Variants in DOCK6 observed in about 807,000 individuals in gnomAD.
DOCK6 encodes the protein dedicator of cytokinesis protein 6.
In DOCK6, 167 loss-of-function variants were observed where a neutral mutation model predicts 230.3. The observed-to-expected ratio is 0.73, with a 90% CI of 0.64 to 0.82. DOCK6 has a LOEUF of 0.82. Ranked by LOEUF, DOCK6 falls within the 40% of genes least tolerant of loss-of-function variation. The probability of loss-of-function intolerance (pLI) is 0.00; values close to 1 mark genes in which losing one functional copy is unlikely to be tolerated. For synonymous variants in DOCK6, 1,148 were observed against 1,185.0 expected, an observed-to-expected ratio of 0.97 and a Z score of 0.64; for missense variants, 2,598 against 2,825.8, an observed-to-expected ratio of 0.92 and a Z score of 1.83.
Position 11,200,852 on chromosome 19 carries a change from C to A in DOCK6, c.5833-30G>T. ...GGGGTGAGAGGGACTGGTGAGCCAGCCTGCATGGCACCTGGAGTCCCCCGT... is the reference window on the plus strand; with the variant it reads ...GGGGTGAGAGGGACTGGTGAGCCAGACTGCATGGCACCTGGAGTCCCCCGT... On this transcript the variant is annotated intron_variant, in intron 45 of 47. Transcript: ENST00000294618. The surrounding 1 kb of genome is among the most constrained non-coding windows in gnomAD (Gnocchi z 4.3). 2.5e-6 allele frequency: 4 copies of A among 1,613,228 alleles called. No individual in the cohort carries two copies. The highest frequency in any genetic ancestry group is 3.4e-6 in the Non-Finnish European group (4 of 1,179,322).
intron 8 of DOCK6, 44 bp from the exon 9 acceptor site, chr19:11,245,756 C>T (rs2080022191): frequency 6.2e-7 from 1 of 1,604,822 alleles, no homozygotes; most frequent in African/African-American, 1.3e-5. Context: ...CTGGGAAGCC[C>T]ACAGCCCCCC....
Position 11,238,119 on chromosome 19 carries a change from G to T in DOCK6, c.1762-4C>A, listed in dbSNP as rs1253319620. ...AGCTGGACTTGCCAAAGATGACCTG[G>T]GAGAGTGGATTCATGAGGGACCCAT... On this transcript the variant is annotated splice_polypyrimidine_tract_variant and splice_region_variant and intron_variant, in intron 15 of 47. Transcript: ENST00000294618. 6.8e-6 allele frequency: 11 copies of T among 1,613,954 alleles called. No homozygotes were observed. Among genetic ancestry groups the T allele is most frequent in the Non-Finnish European group, 8.5e-6 (10 of 1,179,876 alleles).
At chr19:11,203,593 AAGCGGGATTCGGGGGGGCTGG>A in intron 41 of DOCK6, 1 of 162,872 alleles carries the variant, frequency 6.1e-6, no homozygotes. Flanking sequence ...AGCAGGGAAG[AAGCGGGATTCGGGGGGGCTGG>A]AGCGGGAGGA....
rs748023046 is a variant in DOCK6, at chr19:11,202,164, GC to G, written c.5452-40del. Reference sequence around the variant, plus strand: ...CAGGTGTGAGGATCCCACAGCCCCAGCACGCACAGCCCAAGCCCTGTTCCTG... The same window carrying G: ...CAGGTGTGAGGATCCCACAGCCCCAGACGCACAGCCCAAGCCCTGTTCCTG... On this transcript the variant is annotated intron_variant, in intron 43 of 47. Transcript: ENST00000294618. This position sits in a 1 kb window ranked among gnomAD's most constrained non-coding sequence, Gnocchi z 5.3. 4.8e-5 allele frequency: 77 copies of G among 1,593,338 alleles called. No homozygotes were observed. The highest frequency in any genetic ancestry group is 6.4e-5 in the Non-Finnish European group (74 of 1,162,426).
At position 11,202,502 on chromosome 19, in the gene DOCK6, C is replaced by T. The variant is rs778340158; in HGVS notation, c.5362-19G>A. 4 of 1,612,452 alleles carry T rather than the reference C, an allele frequency of 2.5e-6. No homozygotes were observed. The highest frequency in any genetic ancestry group is 2.2e-5 in the South Asian group (2 of 91,044). On this transcript the variant is annotated intron_variant, in intron 42 of 47. Coordinates refer to ENST00000294618, the MANE Select transcript of DOCK6 (RefSeq NM_020812.4). The surrounding 1 kb of genome is among the most constrained non-coding windows in gnomAD (Gnocchi z 5.3). ...AGAACTCCTGGAGACACAGGGCTGACTCGGGGCCACCCAGGGACAGCCCCT... is the reference window on the plus strand; with the variant it reads ...AGAACTCCTGGAGACACAGGGCTGATTCGGGGCCACCCAGGGACAGCCCCT...
rs371685580 is a variant in DOCK6, at chr19:11,217,088, G to A, written c.3720C>T (p.Arg1240=). The A allele has an allele frequency of 4.4e-5, 71 of 1,611,552 alleles. No individual in the cohort carries two copies. Among genetic ancestry groups the A allele is most frequent in the African/African-American group, 2.1e-4 (16 of 74,864 alleles). Reference sequence around the variant, plus strand: ...ACTCAGCAGAGAGGGCACAGCCTGCGCGAGAAGCCTGGGGCCAGAGAGGAA... The same window carrying A: ...ACTCAGCAGAGAGGGCACAGCCTGCACGAGAAGCCTGGGGCCAGAGAGGAA... The part of the protein sequence containing the change: ...SISQGPPTAS[R]AGCALSAESS... The change falls in exon 30 of 48, where the codon CGC becomes CGT. Residue 1240 remains arginine (R), a synonymous_variant. Transcript: ENST00000294618.
chr19:11,253,858 T>A, intron 1 of DOCK6, 132 bp from the exon 2 acceptor site: 1 of 648,788 alleles, frequency 1.5e-6, no homozygotes, highest in Non-Finnish European at 2.6e-6. Flanking sequence ...CCAGGAGTGC[T>A]GAGGCTTTAA....
chr19:11,251,989 T>G, intron 5 of DOCK6, 130 bp downstream of exon 5: 1 of 1,364,330 alleles, frequency 7.3e-7, no homozygotes, highest in East Asian at 2.5e-5. Flanking sequence ...AACTTTTTAC[T>G]CATGGGGACT....
Position 11,201,159 on chromosome 19 carries a change from AC to A in DOCK6, c.5689-108del. 2.1e-6 allele frequency: 3 copies of A among 1,398,174 alleles called. No individual in the cohort carries two copies. The highest frequency in any genetic ancestry group is 2.9e-6 in the Non-Finnish European group (3 of 1,024,940). The allele number at this position is 1,398,174 out of a possible 1,614,324, so 86.6% of individuals were successfully genotyped here. ...CGCTGGGAGTGAGAGGGGTCCAAGA[AC>A]CCAGGCAATGAACAGAATCTGGGGG... On this transcript the variant is annotated intron_variant, in intron 44 of 47. Transcript: ENST00000294618. The surrounding 1 kb of genome is among the most constrained non-coding windows in gnomAD (Gnocchi z 4.3).
intron 34 of DOCK6, 21 bp downstream of exon 34, chr19:11,214,254 T>G (rs1392160603): frequency 6.3e-7 from 1 of 1,589,390 alleles, no homozygotes; most frequent in South Asian, 1.1e-5. Flanking sequence ...CTAAGAATCA[T>G]GGTTGTTGAG....
In DOCK6 at chr19:11,199,444, C is replaced by T. The variant is rs763921392; in HGVS notation, c.*53G>A. 1 of 1,552,442 alleles carries T rather than the reference C, an allele frequency of 6.4e-7. No homozygotes were observed. The highest frequency in any genetic ancestry group is 2.4e-5 in the East Asian group (1 of 41,310). ...GGGCAGACTCCCCTCGCAGCACAGACAGCTGAGGCCCGGGTGCTGGTTCCT... is the reference window on the plus strand; with the variant it reads ...GGGCAGACTCCCCTCGCAGCACAGATAGCTGAGGCCCGGGTGCTGGTTCCT... On this transcript the variant is annotated 3_prime_UTR_variant, in exon 48 of 48. Coordinates refer to ENST00000294618, the MANE Select transcript of DOCK6 (RefSeq NM_020812.4).
chr19:11,227,338 T>C lies in DOCK6; in HGVS notation c.2954A>G (p.Lys985Arg), dbSNP rs1224955245. 6.2e-7 allele frequency: 1 copy of C among 1,613,730 alleles called. No homozygotes were observed. The highest frequency in any genetic ancestry group is 1.3e-5 in the African/African-American group (1 of 75,050). ...ACATTGAGACCCTGCATCTCTCACC[T>C]TGTGGACACGGGTGATGACCTCCAG... is the stretch of plus-strand genomic sequence containing the variant. ...VGLEVITRVHKDVELAEHLNA... is the reference protein window; with the variant it reads ...VGLEVITRVHRDVELAEHLNA... Residue 985 changes from lysine (K) to arginine (R), a missense_variant and splice_region_variant, in exon 24 of 48, where the codon AAG (lysine) becomes AGG (arginine). Transcript: ENST00000294618.
chr19:11,236,376 T>C lies in DOCK6; in HGVS notation c.2362A>G (p.Ile788Val), dbSNP rs1454130462. The change falls in exon 20 of 48, where the codon ATC becomes GTC. Residue 788 changes from isoleucine to valine, a missense_variant. Transcript: ENST00000294618. The surrounding 1 kb of genome is among the most constrained non-coding windows in gnomAD (Gnocchi z 5.2). Reference protein sequence around the residue: ...HVLDKLVRLVIRPPIISGQIV... With the variant: ...HVLDKLVRLVVRPPIISGQIV... ...TGGCCACTGATGATCGGGGGCCTGA[T>C]GACCAGACGCACGAGCTTGTCCAGC... 6.4e-7 allele frequency: 1 copy of C among 1,574,312 alleles called. No homozygotes were observed. Among genetic ancestry groups the C allele is most frequent in the Admixed American group, 1.8e-5 (1 of 54,526 alleles).
chr19:11,242,011 A>C, intron 14 of DOCK6, 34 bp downstream of exon 14: 1 of 1,549,662 alleles, frequency 6.5e-7, no homozygotes, highest in Non-Finnish European at 8.6e-7. Flanking sequence ...AATACCTCCC[A>C]TTCAAGTGCC....
At chr19:11,248,295 G>C (rs1320571387) in intron 6 of DOCK6, 144 bp from the exon 7 acceptor site, 1 of 616,894 alleles carries the variant, frequency 1.6e-6, no homozygotes. Context: ...TACACGTGCT[G>C]TTCCCCTGCC....
chr19:11,214,560 AT>A lies in DOCK6; in HGVS notation c.4195del (p.Ile1399SerfsTer5), dbSNP rs991800555. ...SLVVLDTLEI[I>X]VQTVMLSEAR... ...TGCTGGATCAAGCCCTACCTGCACGATGATCTCCAGTGTGTCCAGAACCACT... is the reference window on the plus strand; with the variant it reads ...TGCTGGATCAAGCCCTACCTGCACGAGATCTCCAGTGTGTCCAGAACCACT... On this transcript the variant is annotated frameshift_variant, in exon 33 of 48. Coordinates refer to ENST00000294618, the MANE Select transcript of DOCK6 (RefSeq NM_020812.4). LOFTEE classifies it high-confidence loss of function. 1 of 1,613,726 alleles carries A rather than the reference AT, an allele frequency of 6.2e-7. No individual in the cohort carries two copies. Among genetic ancestry groups the A allele is most frequent in the Non-Finnish European group, 8.5e-7 (1 of 1,179,860 alleles).
chr19:11,209,512 C>A (rs2079326562), intron 37 of DOCK6, among the ~76,000 whole-genome samples: 1 of 147,316 alleles, frequency 6.8e-6, no homozygotes, highest in Non-Finnish European at 1.5e-5. Context: ...ATCCCCTCAC[C>A]TGTCCACCCT....
intron 2 of DOCK6, among the ~76,000 whole-genome samples, chr19:11,253,159 C>T (rs1014029442): frequency 3.3e-5 from 5 of 152,144 alleles, no homozygotes; most frequent in Non-Finnish European, 5.9e-5. Flanking sequence ...TGCCCTGCCC[C>T]TCCCTCCAGG....
At chr19:11,256,652 GT>G (rs1367253108) in intron 1 of DOCK6, among the ~76,000 whole-genome samples, 4 of 152,108 alleles carry the variant, frequency 2.6e-5, no homozygotes, top group Non-Finnish European at 4.4e-5. Flanking sequence ...TCTGACCCTG[GT>G]TTTTTGTTTT....
Sources: gnomAD v4.1 joint callset for allele counts (sites outside exome capture counted in the v4.1 genomes callset) on GRCh38, gnomAD v4.1.1 for gene constraint, Gnocchi (gnomAD v3.1) non-coding constraint, MANE v1.5 for transcripts, NCBI Gene and HGNC (gene_info 2026-07-23, HGNC 2026-07-21) for gene names.